Variants in LRBA observed in about 807,000 individuals in gnomAD.
LRBA encodes the protein LPS responsive beige-like anchor protein, also known as lipopolysaccharide-responsive and beige-like anchor protein.
LRBA carries 176 observed loss-of-function variants against 330.0 expected under a neutral mutation model. That is an observed-to-expected ratio of 0.53 (90% CI 0.47 to 0.60). The LOEUF is 0.60. Among genes scored for constraint, LRBA ranks in the 20% least tolerant of loss-of-function variants. LRBA has a pLI of 0.00. For missense variants in LRBA, 3,259 were observed against 3,444.8 expected (o/e 0.95, Z 1.35); for synonymous variants, 1,230 against 1,193.0 (o/e 1.03, Z -0.64).
At chr4:150,670,198 T>C (rs1781931990) in intron 37 of LRBA, among the ~76,000 whole-genome samples, 1 of 152,226 alleles carries the variant, frequency 6.6e-6, no homozygotes, top group Non-Finnish European at 1.5e-5. Flanking sequence ...TGTACAGTAC[T>C]GTGGTGTCTG....
At position 150,301,108 on chromosome 4, in the gene LRBA, C is replaced by T. The variant is rs1359202324; in HGVS notation, c.8017+1517G>A. ...TTGCCTGAGATAATTGAGTGAATCT[C>T]GGTAACTGGATTTACAGAAACCAGA... On this transcript the variant is annotated intron_variant, in intron 53 of 56. Coordinates refer to ENST00000651943, the MANE Select transcript of LRBA (RefSeq NM_001364905.1). Among the ~76,000 whole-genome samples, 5 of 151,682 alleles carry T rather than the reference C, an allele frequency of 3.3e-5. No individual in the cohort carries two copies. The East Asian group carries it at 5.8e-4, about 18-fold the overall frequency.
chr4:150,721,324 A>G, intron 36 of LRBA: 1 of 306,268 alleles, frequency 3.3e-6, no homozygotes, highest in South Asian at 3.8e-5. Context: ...CTTTGTATTG[A>G]TCAAAGACAT....
intron 44 of LRBA, among the ~76,000 whole-genome samples, chr4:150,466,949 T>G (rs1504781): frequency 0.85 from 128,672 of 151,984 alleles, 55,993 homozygotes; most frequent in Non-Finnish European, 0.95. Context: ...ATTCCCACTA[T>G]AAGAGGTCCC....
chr4:150,334,714 T>G (rs1180179714), intron 48 of LRBA, among the ~76,000 whole-genome samples: 1 of 152,030 alleles, frequency 6.6e-6, no homozygotes, highest in East Asian at 1.9e-4. Flanking sequence ...CATGTATTAT[T>G]TTTGAAATAA....
intron 34 of LRBA, among the ~76,000 whole-genome samples, chr4:150,792,531 C>T (rs546196125): frequency 6.6e-6 from 1 of 152,040 alleles, no homozygotes; most frequent in East Asian, 1.9e-4. Flanking sequence ...ATTTTTGAGA[C>T]AGGGTCTTCC....
chr4:150,326,162 C>A (rs1733236306), intron 48 of LRBA, among the ~76,000 whole-genome samples: 1 of 152,158 alleles, frequency 6.6e-6, no homozygotes, highest in Non-Finnish European at 1.5e-5. Context: ...CTATTACAAT[C>A]AGAAATTGTC....
chr4:150,270,798 AT>A (rs1426985627), intron 56 of LRBA, among the ~76,000 whole-genome samples: 2 of 152,240 alleles, frequency 1.3e-5, no homozygotes, highest in African/African-American at 4.8e-5. Flanking sequence ...AATAAGCCCT[AT>A]CTTTCAGGGG....
At chr4:150,892,451 CTT>C (rs1454839050) in intron 17 of LRBA, among the ~76,000 whole-genome samples, 1 of 152,166 alleles carries the variant, frequency 6.6e-6, no homozygotes, top group African/African-American at 2.4e-5. Flanking sequence ...CTCATGCTCT[CTT>C]TCTCTCTCTG....
rs72732491 is a variant in LRBA at position 150,296,399 on chromosome 4, T to C, written c.8017+6226A>G. On this transcript the variant is annotated intron_variant, in intron 53 of 56. Transcript: ENST00000651943. ...AACAATTCAGAGAATTTTTTTCCTA[T>C]ATAAAAACACTTCAAATCCAAAATC... Among the ~76,000 whole-genome samples, 1,159 of 152,276 alleles carry C rather than the reference T, an allele frequency of 7.6e-3. 3 individuals carry two copies. Among genetic ancestry groups the C allele is most frequent in the South Asian group, 0.014 (67 of 4,818 alleles).
intron 28 of LRBA, chr4:150,840,753 A>G (rs1376456463): frequency 4.8e-6 from 1 of 209,970 alleles, no homozygotes; most frequent in Non-Finnish European, 9.6e-6. Flanking sequence ...AATGGCATGG[A>G]TAGACTAGTT....
intron 36 of LRBA, among the ~76,000 whole-genome samples, chr4:150,684,347 T>C (rs1203633707): frequency 6.6e-6 from 1 of 152,172 alleles, no homozygotes; most frequent in East Asian, 1.9e-4. Context: ...CTTTAGAACA[T>C]GAAACTGTTT....
chr4:150,948,059 A>G (rs572063292), intron 2 of LRBA, among the ~76,000 whole-genome samples: 3 of 152,168 alleles, frequency 2.0e-5, no homozygotes, highest in South Asian at 4.1e-4. Flanking sequence ...TTCCTCCAAA[A>G]CTGATATATA....
chr4:150,549,888 T>A (rs934477815), intron 40 of LRBA, among the ~76,000 whole-genome samples: 56 of 152,152 alleles, frequency 3.7e-4, no homozygotes, highest in African/African-American at 1.4e-3. Context: ...AGTATCAGGG[T>A]TGAGTACTAA....
chr4:150,273,891 G>A (rs1427784708), intron 56 of LRBA, among the ~76,000 whole-genome samples: 2 of 152,038 alleles, frequency 1.3e-5, no homozygotes, highest in African/African-American at 4.8e-5. Context: ...GTCAATATTA[G>A]ATCAATGAGA....
At chr4:150,797,068 C>A (rs1394018477) in intron 34 of LRBA, among the ~76,000 whole-genome samples, 1 of 151,828 alleles carries the variant, frequency 6.6e-6, no homozygotes, top group Non-Finnish European at 1.5e-5. Context: ...TAGGTGTAAT[C>A]TCTAGAAGTA....
chr4:150,299,290 A>T (rs1729352262), intron 53 of LRBA, among the ~76,000 whole-genome samples: 1 of 152,112 alleles, frequency 6.6e-6, no homozygotes, highest in African/African-American at 2.4e-5. Flanking sequence ...ATTAAATGGA[A>T]TCCTATATTC....
chr4:150,910,606 C>T (rs1426319913), intron 9 of LRBA, among the ~76,000 whole-genome samples: 1 of 152,138 alleles, frequency 6.6e-6, no homozygotes, highest in Non-Finnish European at 1.5e-5. Flanking sequence ...AAGTGTAAAG[C>T]CTGCAACTTT....
rs375339196 is a variant in LRBA, at chr4:150,285,914, G to A, written c.8119+19C>T. Reference sequence around the variant, plus strand: ...ACAGCAAGAAATGCATCCATTTTGTGAAGGTACCACAGGTTTACCTTGTGA... The same window carrying A: ...ACAGCAAGAAATGCATCCATTTTGTAAAGGTACCACAGGTTTACCTTGTGA... On this transcript the variant is annotated intron_variant, in intron 54 of 56. Coordinates refer to ENST00000651943, the MANE Select transcript of LRBA (RefSeq NM_001364905.1). 88 of 1,455,042 alleles carry A rather than the reference G, an allele frequency of 6.0e-5. No homozygotes were observed. Among genetic ancestry groups the A allele is most frequent in the Non-Finnish European group, 7.9e-5 (86 of 1,092,376 alleles). 90.1% of individuals were successfully genotyped at this position (1,455,042 alleles called of 1,614,324 possible).
chr4:150,302,541 A>G, intron 53 of LRBA, 84 bp downstream of exon 53: 1 of 834,062 alleles, frequency 1.2e-6, no homozygotes, highest in Non-Finnish European at 1.8e-6. Context: ...TCTCACTTTT[A>G]CCATAACAAA....
Sources: gnomAD v4.1 joint callset for allele counts (sites outside exome capture counted in the v4.1 genomes callset) on GRCh38, gnomAD v4.1.1 for gene constraint, MANE v1.5 for transcripts, NCBI Gene and HGNC (gene_info 2026-07-23, HGNC 2026-07-21) for gene names.